The following LRCH3 variants were observed in gnomAD, a reference collection of about 807,000 sequenced individuals.
LRCH3 encodes DISP complex protein LRCH3.
In LRCH3, 68 loss-of-function variants were observed where a neutral mutation model predicts 104.5. The ratio of observed to expected loss-of-function variants is 0.65; its 90% CI spans 0.54 to 0.80. The LOEUF is 0.80. LRCH3 is among the 30% of genes least tolerant of loss of function. The pLI is 0.00. For synonymous variants in LRCH3, 344 were observed against 361.3 expected (o/e 0.95, Z 0.54); for missense variants, 951 against 953.9 (o/e 1.00, Z 0.04).
Position 197,810,067 on chromosome 3 carries a change from A to G in LRCH3, c.263-4841A>G, listed in dbSNP as rs1313182033. Among the ~76,000 whole-genome samples the G allele has an allele frequency of 6.6e-6, 1 of 152,020 alleles. No homozygotes were observed. Among genetic ancestry groups the G allele is most frequent in the Non-Finnish European group, 1.5e-5 (1 of 67,970 alleles). On this transcript the variant is annotated intron_variant, in intron 1 of 20. Coordinates refer to ENST00000425562, the MANE Select transcript of LRCH3 (RefSeq NM_001365715.1). This position sits in a 1 kb window ranked among gnomAD's most constrained non-coding sequence, Gnocchi z 4.0. ...TTGCATGGGAAGCCTGTTTTTTTCCAGTTTTTTTCTGAGATATTTGGGTGG... is the reference window on the plus strand; with the variant it reads ...TTGCATGGGAAGCCTGTTTTTTTCCGGTTTTTTTCTGAGATATTTGGGTGG...
intron 20 of LRCH3, chr3:197,880,459 T>C (rs1444708441): frequency 7.5e-7 from 1 of 1,333,188 alleles, no homozygotes; most frequent in Non-Finnish European, 1.0e-6. Flanking sequence ...TCTGCATTTC[T>C]GATCCACTGA....
intron 4 of LRCH3, among the ~76,000 whole-genome samples, chr3:197,826,283 TCTTAAGTACAGC>T (rs919323219): frequency 6.6e-6 from 1 of 152,170 alleles, no homozygotes; most frequent in African/African-American, 2.4e-5. Context: ...TTGTGTATAT[TCTTAAGTACAGC>T]CATTCCTGGG....
intron 12 of LRCH3, among the ~76,000 whole-genome samples, chr3:197,851,814 T>TG (rs545826832): frequency 2.4e-4 from 37 of 151,958 alleles, no homozygotes; most frequent in African/African-American, 8.7e-4. Flanking sequence ...CTGAAGAGGG[T>TG]GAAAAAAAAG....
At chr3:197,842,774 T>A (rs1285911006) in intron 10 of LRCH3, among the ~76,000 whole-genome samples, 1 of 152,148 alleles carries the variant, frequency 6.6e-6, no homozygotes, top group East Asian at 1.9e-4. Flanking sequence ...AATTATGTTT[T>A]AAAAAAATTG....
intron 1 of LRCH3, among the ~76,000 whole-genome samples, chr3:197,809,803 A>G (rs1269376270): frequency 6.6e-6 from 1 of 151,824 alleles, no homozygotes; most frequent in African/African-American, 2.4e-5. Context: ...TCTGGTTTTC[A>G]TTTGTTACAA....
intron 5 of LRCH3, among the ~76,000 whole-genome samples, chr3:197,828,104 G>A (rs1735450853): frequency 6.7e-6 from 1 of 150,350 alleles, no homozygotes; most frequent in Non-Finnish European, 1.5e-5. Flanking sequence ...GCTAGAGACA[G>A]ATAAAAATAC....
rs759806877 is a variant in LRCH3 at position 197,814,942 on chromosome 3, A to G, written c.297A>G (p.Ile99Met). The G allele has an allele frequency of 2.5e-6, 4 of 1,600,924 alleles. No homozygotes were observed. The highest frequency in any genetic ancestry group is 3.4e-6 in the Non-Finnish European group (4 of 1,175,584). The change falls in exon 2 of 21, where the codon ATA (isoleucine) becomes ATG (methionine). Residue 99 changes from isoleucine to methionine, a missense_variant. By Grantham distance (10) the Ile-to-Met change is conservative. Transcript: ENST00000425562. The stretch of plus-strand genomic sequence containing the variant: ...GAAATCGCCTTTCAGAAATTCCTAT[A>G]GAAGCATGTCACTTTGTTTCTCTGG... ...LSRNRLSEIP[I>M]EACHFVSLEN...
At chr3:197,843,066 CAG>C (rs1196966141) in intron 10 of LRCH3, among the ~76,000 whole-genome samples, 1 of 135,636 alleles carries the variant, frequency 7.4e-6, no homozygotes, top group Non-Finnish European at 1.5e-5. Flanking sequence ...GCCTGGGTGA[CAG>C]AGCAAGACTC....
chr3:197,850,622 A>G (rs780268050), intron 12 of LRCH3: 14 of 1,576,286 alleles, frequency 8.9e-6, no homozygotes, highest in Non-Finnish European at 1.2e-5. Flanking sequence ...CAATGACCAG[A>G]GAATCTACAT....
At chr3:197,858,369 C>T (rs184867382) in intron 14 of LRCH3, among the ~76,000 whole-genome samples, 114 of 152,196 alleles carry the variant, frequency 7.5e-4, no homozygotes, top group African/African-American at 2.6e-3. Flanking sequence ...AGATGAAATG[C>T]CGGTTCCTCC....
At chr3:197,820,549 G>A (rs746880881) in intron 4 of LRCH3, 119 bp downstream of exon 4, 4 of 658,468 alleles carry the variant, frequency 6.1e-6, no homozygotes, top group East Asian at 5.6e-5. Context: ...TGTGGCTCCT[G>A]CCTGTAATGC....
intron 1 of LRCH3, among the ~76,000 whole-genome samples, chr3:197,795,047 A>G (rs1479200623): frequency 6.6e-6 from 1 of 152,064 alleles, no homozygotes; most frequent in Non-Finnish European, 1.5e-5. Flanking sequence ...GAAAAGGGGA[A>G]TATTTATTTG....
Position 197,820,415 on chromosome 3 carries a change from G to A in LRCH3, c.625G>A (p.Val209Ile), listed in dbSNP as rs770632102. The A allele has an allele frequency of 1.3e-6, 2 of 1,590,910 alleles. No homozygotes were observed. Among genetic ancestry groups the A allele is most frequent in the East Asian group, 4.5e-5 (2 of 44,746 alleles). The stretch of plus-strand genomic sequence containing the variant: ...CCTTAATGTAAGAAGAAATCACCTA[G>A]TACATTTGCCTGAAGGTAAGAAACT... ...RDLNVRRNHL[V>I]HLPEELAELP... Residue 209 changes from valine (V) to isoleucine (I), a missense_variant, in exon 4 of 21, where the codon GTA becomes ATA. By Grantham distance (29) the Val-to-Ile change is conservative. Coordinates refer to ENST00000425562, the MANE Select transcript of LRCH3 (RefSeq NM_001365715.1).
chr3:197,877,939 A>G (rs1299862535), intron 20 of LRCH3, among the ~76,000 whole-genome samples: 2 of 152,184 alleles, frequency 1.3e-5, no homozygotes, highest in Admixed American at 6.5e-5. Context: ...TTTTGAGAGC[A>G]CTGAATATGG....
intron 9 of LRCH3, among the ~76,000 whole-genome samples, chr3:197,838,746 A>G (rs775806447): frequency 6.6e-6 from 1 of 152,228 alleles, no homozygotes; most frequent in Non-Finnish European, 1.5e-5. Flanking sequence ...TAAAATTGCC[A>G]ATAATATTTT....
At chr3:197,849,608 C>A (rs1403199683) in intron 12 of LRCH3, among the ~76,000 whole-genome samples, 3 of 152,056 alleles carry the variant, frequency 2.0e-5, no homozygotes, top group African/African-American at 2.4e-5. Flanking sequence ...TTATATAGTT[C>A]TCTTGAAACT....
At chr3:197,843,620 G>T (rs927662715) in intron 10 of LRCH3, among the ~76,000 whole-genome samples, 1 of 152,196 alleles carries the variant, frequency 6.6e-6, no homozygotes, top group African/African-American at 2.4e-5. Context: ...GAAGGCAGAG[G>T]CTGCAGTGAG....
rs796507157 is a variant in LRCH3, at chr3:197,804,692, T to C, written c.263-10216T>C. Among the ~76,000 whole-genome samples, 4 of 152,316 alleles carry C rather than the reference T, an allele frequency of 2.6e-5. No individual in the cohort carries two copies. The South Asian group carries it at 8.3e-4, about 32-fold the overall frequency. ...CTGCTTATCTTGCTTGTGAAGACAA[T>C]GTTTAGTAACACGAGGAGAACTACA... On this transcript the variant is annotated intron_variant, in intron 1 of 20. Transcript: ENST00000425562.
rs1714110052 is a variant in LRCH3 at position 197,885,313 on chromosome 3, C to CT, written c.*1649dup. Reference sequence around the variant, plus strand: ...CAGTTTCTGTGGCTGAATTTAAGCACTTACAGCATCTTCCTAGCTGGGTGT... The same window carrying CT: ...CAGTTTCTGTGGCTGAATTTAAGCACTTTACAGCATCTTCCTAGCTGGGTGT... On this transcript the variant is annotated 3_prime_UTR_variant, in exon 21 of 21. Transcript: ENST00000425562. 1 of 152,232 alleles carries CT rather than the reference C, an allele frequency of 6.6e-6. No homozygotes were observed. Among genetic ancestry groups the CT allele is most frequent in the African/African-American group, 2.4e-5 (1 of 41,436 alleles). The allele number at this position is 152,232 out of a possible 1,614,324, so 9.4% of individuals were successfully genotyped here. A position where few individuals can be genotyped will look rare whatever the true frequency, so the allele number is the denominator to read the frequency against.
Sources: gnomAD v4.1 joint callset for allele counts (sites outside exome capture counted in the v4.1 genomes callset) on GRCh38, gnomAD v4.1.1 for gene constraint, Gnocchi (gnomAD v3.1) non-coding constraint, MANE v1.5 for transcripts, NCBI Gene and HGNC (gene_info 2026-07-23, HGNC 2026-07-21) for gene names.